KAZN: variants seen among roughly 807,000 people sequenced by gnomAD.
KAZN encodes the protein kazrin, periplakin interacting protein, also known as kazrin.
KAZN carries 40 observed loss-of-function variants against 87.4 expected under a neutral mutation model. That is an observed-to-expected ratio of 0.46 (90% CI 0.36 to 0.60). KAZN has a LOEUF of 0.60. Ranked by LOEUF, KAZN falls within the 20% of genes least tolerant of loss-of-function variation. The pLI, the probability that KAZN is intolerant of heterozygous loss-of-function variation, is 0.00. For missense variants in KAZN, 898 were observed against 1,073.9 expected, an observed-to-expected ratio of 0.84 and a Z score of 2.29; for synonymous variants, 466 against 458.3, an observed-to-expected ratio of 1.02 and a Z score of -0.22.
chr1:14,458,658 T>C (rs1478672056), intron 2 of KAZN, among the ~76,000 whole-genome samples: 1 of 152,200 alleles, frequency 6.6e-6, no homozygotes, highest in Admixed American at 6.5e-5. Flanking sequence ...TAAAAACTTC[T>C]GTTCAAACAT....
rs967588535 is a variant in KAZN, at chr1:14,159,206, C to G, written c.92-21229C>G. Among the ~76,000 whole-genome samples the G allele has an allele frequency of 3.3e-5, 5 of 152,182 alleles. No individual in the cohort carries two copies. The East Asian group carries it at 9.6e-4, about 29-fold the overall frequency. ...TTCCCTTCAAGGTGATGAGTTCCCCCAGGCTCCAGGTATGTCCAGAAGTGC... is the reference window on the plus strand; with the variant it reads ...TTCCCTTCAAGGTGATGAGTTCCCCGAGGCTCCAGGTATGTCCAGAAGTGC... On this transcript the variant is annotated intron_variant, in intron 1 of 16. Coordinates refer to the KAZN transcript ENST00000636203.
At chr1:14,392,770 C>A (rs189930867) in intron 2 of KAZN, among the ~76,000 whole-genome samples, 1 of 152,238 alleles carries the variant, frequency 6.6e-6, no homozygotes, top group African/African-American at 2.4e-5. Flanking sequence ...GGGGACAAAA[C>A]TGCACTAGTT....
chr1:14,229,377 G>A (rs1029011564), intron 2 of KAZN, among the ~76,000 whole-genome samples: 4 of 152,176 alleles, frequency 2.6e-5, no homozygotes, highest in African/African-American at 9.6e-5. Flanking sequence ...AACATTTTTA[G>A]AATAAAAAGT....
chr1:14,046,838 G>T (rs1380262306), intron 1 of KAZN, among the ~76,000 whole-genome samples: 1 of 152,186 alleles, frequency 6.6e-6, no homozygotes, highest in African/African-American at 2.4e-5. Context: ...TCTCTGAATT[G>T]CCCAATTAAC....
At chr1:13,984,768 T>A (rs564549711) in intron 1 of KAZN, among the ~76,000 whole-genome samples, 1 of 152,358 alleles carries the variant, frequency 6.6e-6, no homozygotes, top group South Asian at 2.1e-4. Flanking sequence ...AATATATATT[T>A]TTTTGGTAAG....
intron 2 of KAZN, among the ~76,000 whole-genome samples, chr1:14,977,113 T>C (rs1665714916): frequency 6.6e-6 from 1 of 152,142 alleles, no homozygotes; most frequent in Non-Finnish European, 1.5e-5. Context: ...GGCATAGGAC[T>C]GAAAAGGCCA....
chr1:14,497,654 C>T (rs1389445187), intron 2 of KAZN, among the ~76,000 whole-genome samples: 10 of 152,108 alleles, frequency 6.6e-5, no homozygotes, highest in Admixed American at 6.5e-4. Flanking sequence ...ACTACTTACC[C>T]ATTCAGCCTA....
intron 1 of KAZN, among the ~76,000 whole-genome samples, chr1:14,167,376 G>A (rs764433050): frequency 1.3e-5 from 2 of 152,264 alleles, no homozygotes; most frequent in East Asian, 1.9e-4. Flanking sequence ...TCTATCTGGC[G>A]TGGGTTACCA....
intron 1 of KAZN, among the ~76,000 whole-genome samples, chr1:14,632,789 G>A (rs1262489053): frequency 6.6e-6 from 1 of 152,110 alleles, no homozygotes; most frequent in Non-Finnish European, 1.5e-5. Context: ...GGCCACCTCT[G>A]TTGATGCTCT....
chr1:13,899,824 AGT>A (rs1245656815), intron 1 of KAZN, among the ~76,000 whole-genome samples: 2 of 151,876 alleles, frequency 1.3e-5, no homozygotes, highest in African/African-American at 4.8e-5. Flanking sequence ...TTGTATTTTT[AGT>A]AGAGATGGGG....
intron 2 of KAZN, among the ~76,000 whole-genome samples, chr1:14,992,919 C>T (rs1009989397): frequency 2.0e-5 from 3 of 151,896 alleles, no homozygotes; most frequent in African/African-American, 4.8e-5. Flanking sequence ...GCTGGGATTA[C>T]AGGAATGAGC....
chr1:14,329,202 G>T (rs1294396928), intron 2 of KAZN, among the ~76,000 whole-genome samples: 1 of 152,048 alleles, frequency 6.6e-6, no homozygotes, highest in Admixed American at 6.6e-5. Context: ...AAATGAGATG[G>T]CCACTAACAA....
rs1017368796 is a variant in KAZN, at chr1:14,985,301, G to A, written c.418+24426G>A. ...GGAGGCCAAGGTGGGAGGCCAAGGT[G>A]GGAGAATCACATGAGCTGAGGAGTT... On this transcript the variant is annotated intron_variant, in intron 2 of 14. Transcript: ENST00000376030. Among the ~76,000 whole-genome samples the A allele has an allele frequency of 4.2e-5, 6 of 142,086 alleles. No homozygotes were observed. The Middle Eastern group carries it at 0.021, about 497-fold the overall frequency. The allele number at this position is 142,086 out of a possible 152,430, so 93.2% of individuals were successfully genotyped here. A position where few individuals can be genotyped will look rare whatever the true frequency, so the allele number is the denominator to read the frequency against.
At chr1:14,460,080 T>C (rs950946278) in intron 2 of KAZN, among the ~76,000 whole-genome samples, 4 of 152,208 alleles carry the variant, frequency 2.6e-5, no homozygotes, top group African/African-American at 9.6e-5. Context: ...CCTGGATTTC[T>C]GATCCTGGAA....
chr1:14,150,720 C>T (rs1557517088), intron 1 of KAZN, among the ~76,000 whole-genome samples: 2 of 152,168 alleles, frequency 1.3e-5, no homozygotes, highest in Non-Finnish European at 2.9e-5. Context: ...TCAAACCACC[C>T]AAATGCAACA....
intron 1 of KAZN, among the ~76,000 whole-genome samples, chr1:14,052,822 G>C (rs977542169): frequency 6.6e-6 from 1 of 152,236 alleles, no homozygotes; most frequent in African/African-American, 2.4e-5. Flanking sequence ...TTCTAACAGA[G>C]AGTCCAGGCT....
rs72639055 is a variant in KAZN, at chr1:13,911,925, T to C, written c.91+18169T>C. 3.4e-3 allele frequency among the ~76,000 whole-genome samples: 512 copies of C among 152,326 alleles called. 3 individuals are homozygous for C. The highest frequency in any genetic ancestry group is 4.0e-3 in the Non-Finnish European group (273 of 68,020). ...ATGTGGGTTTGGTGTCAGATTTGCA[T>C]TCTGGCTGTGCTTGGCTATTTATTG... On this transcript the variant is annotated intron_variant, in intron 1 of 16. Coordinates refer to the KAZN transcript ENST00000636203.
At chr1:15,061,071 C>T (rs1248407239) in intron 6 of KAZN, 3 of 152,182 alleles carry the variant, frequency 2.0e-5, no homozygotes, top group Non-Finnish European at 4.4e-5. Context: ...ATGCACGAGA[C>T]GGCTTTTTCC....
chr1:14,833,219 A>G (rs541163528), intron 1 of KAZN, among the ~76,000 whole-genome samples: 6 of 151,940 alleles, frequency 3.9e-5, no homozygotes, highest in Non-Finnish European at 5.9e-5. Flanking sequence ...ATGGCGTGAC[A>G]GTGGCAGTGG....
Sources: allele counts gnomAD v4.1 joint callset (sites outside exome capture counted in the v4.1 genomes callset), GRCh38; gene constraint gnomAD v4.1.1; transcripts MANE v1.5; gene names NCBI Gene and HGNC (gene_info 2026-07-23, HGNC 2026-07-21).